The following MDFIC2 variants were observed in gnomAD, a reference collection of about 807,000 sequenced individuals.
MDFIC2 encodes the protein MyoD family inhibitor domain containing 2, also known as myoD family inhibitor domain-containing protein 2.
chr3:70,279,348 C>A (rs1211570384), intron 2 of MDFIC2, among the ~76,000 whole-genome samples: 1 of 151,992 alleles, frequency 6.6e-6, no homozygotes, highest in Non-Finnish European at 1.5e-5. Context: ...GATTTGAAAC[C>A]AAATCCATTC....
intron 2 of MDFIC2, among the ~76,000 whole-genome samples, chr3:70,243,340 G>T (rs1040888207): frequency 1.3e-5 from 2 of 151,992 alleles, no homozygotes; most frequent in Non-Finnish European, 2.9e-5. Flanking sequence ...TTAAAATTGG[G>T]GTTGTATTTG....
intron 2 of MDFIC2, among the ~76,000 whole-genome samples, chr3:70,311,182 T>A (rs1996815): frequency 0.36 from 54,415 of 152,006 alleles, 10,084 homozygotes; most frequent in East Asian, 0.63. Context: ...TACAATATAA[T>A]AGATTCATTA....
chr3:70,252,756 G>A (rs1701781373), intron 2 of MDFIC2, among the ~76,000 whole-genome samples: 1 of 151,990 alleles, frequency 6.6e-6, no homozygotes, highest in African/African-American at 2.4e-5. Flanking sequence ...ATACATCAGT[G>A]AACAAAACAA....
chr3:70,274,090 T>TGTGTGTGTGTGTGC (rs770689062), intron 2 of MDFIC2, among the ~76,000 whole-genome samples: 6 of 144,972 alleles, frequency 4.1e-5, no homozygotes, highest in Non-Finnish European at 8.9e-5. Context: ...TGTGTGTGTG[T>TGTGTGTGTGTGTGC]GCGCGCGCGC....
At chr3:70,310,474 T>C (rs903295483) in intron 2 of MDFIC2, among the ~76,000 whole-genome samples, 1 of 152,056 alleles carries the variant, frequency 6.6e-6, no homozygotes, top group Admixed American at 6.6e-5. Flanking sequence ...CAAGCGATTA[T>C]CCTGCCTCAG....
chr3:70,220,238 A>G (rs1451585249), intron 2 of MDFIC2, among the ~76,000 whole-genome samples: 1 of 152,060 alleles, frequency 6.6e-6, no homozygotes, highest in Non-Finnish European at 1.5e-5. Flanking sequence ...CAATAGTCTC[A>G]TGTATTATCA....
At chr3:70,198,531 A>G (rs1391334438) in intron 3 of MDFIC2, among the ~76,000 whole-genome samples, 1 of 152,228 alleles carries the variant, frequency 6.6e-6, no homozygotes, top group Admixed American at 6.5e-5. Flanking sequence ...AAAACACTAT[A>G]TAAAGTTATA....
intron 2 of MDFIC2, among the ~76,000 whole-genome samples, chr3:70,295,701 TAAAC>T (rs1034025110): frequency 5.0e-4 from 76 of 152,258 alleles, no homozygotes; most frequent in African/African-American, 1.8e-3. Flanking sequence ...CAAAAATAAA[TAAAC>T]AAATAAATAT....
chr3:70,251,316 A>G, intron 2 of MDFIC2, among the ~76,000 whole-genome samples: 1 of 152,298 alleles, frequency 6.6e-6, no homozygotes, highest in South Asian at 2.1e-4. Context: ...GATTTACTGC[A>G]GTCTTCAGTC....
intron 3 of MDFIC2, chr3:70,204,901 T>C (rs1043552929): frequency 1.3e-5 from 2 of 152,102 alleles, no homozygotes; most frequent in Admixed American, 6.6e-5. Context: ...ATTCACATGA[T>C]GAGTAGCATC....
At chr3:70,261,675 G>T (rs752667038) in intron 2 of MDFIC2, among the ~76,000 whole-genome samples, 11 of 152,050 alleles carry the variant, frequency 7.2e-5, no homozygotes, top group Non-Finnish European at 1.6e-4. Context: ...GCCTTATTTT[G>T]TTGAAAACAG....
intron 2 of MDFIC2, among the ~76,000 whole-genome samples, chr3:70,235,807 A>G (rs749790791): frequency 2.6e-5 from 4 of 152,200 alleles, no homozygotes; most frequent in African/African-American, 7.2e-5. Context: ...ATCTATAGAA[A>G]AGAAATAATT....
At chr3:70,256,340 G>A (rs1432085610) in intron 2 of MDFIC2, among the ~76,000 whole-genome samples, 2 of 152,128 alleles carry the variant, frequency 1.3e-5, no homozygotes, top group East Asian at 3.9e-4. Flanking sequence ...GGCCTTTTTA[G>A]CAATCTTCCC....
At chr3:70,252,606 C>T (rs11924710) in intron 2 of MDFIC2, among the ~76,000 whole-genome samples, 4,812 of 152,168 alleles carry the variant, frequency 0.032, 242 homozygotes, top group African/African-American at 0.11. Context: ...CCATGGTAAA[C>T]CGGAGAAGAT....
intron 2 of MDFIC2, among the ~76,000 whole-genome samples, chr3:70,222,086 T>C (rs1166948726): frequency 1.3e-5 from 2 of 152,130 alleles, no homozygotes; most frequent in Non-Finnish European, 2.9e-5. Flanking sequence ...ACCCACCCTT[T>C]ATCCTTTAGG....
intron 3 of MDFIC2, among the ~76,000 whole-genome samples, chr3:70,199,943 T>A (rs1042512001): frequency 6.6e-6 from 1 of 152,208 alleles, no homozygotes; most frequent in Admixed American, 6.5e-5. Context: ...TGGATCTCTC[T>A]CTCCCCAGTC....
chr3:70,237,278 G>T (rs1412124316), intron 2 of MDFIC2, among the ~76,000 whole-genome samples: 4 of 152,160 alleles, frequency 2.6e-5, no homozygotes, highest in African/African-American at 9.7e-5. Context: ...ATATTCTCCA[G>T]TGCGGATACA....
chr3:70,290,925 C>A (rs189654558), intron 2 of MDFIC2, among the ~76,000 whole-genome samples: 3 of 152,146 alleles, frequency 2.0e-5, no homozygotes, highest in Non-Finnish European at 4.4e-5. Flanking sequence ...GGATGGCGCA[C>A]GGTGCGCGCA....
At chr3:70,308,770 C>T (rs549793034) in intron 2 of MDFIC2, among the ~76,000 whole-genome samples, 28 of 152,112 alleles carry the variant, frequency 1.8e-4, no homozygotes, top group Admixed American at 5.9e-4. Context: ...TGTTTGAAGT[C>T]GAGAAGTTAG....
Sources: gnomAD v4.1 joint callset for allele counts (sites outside exome capture counted in the v4.1 genomes callset) on GRCh38, gnomAD v4.1.1 for gene constraint, MANE v1.5 for transcripts, NCBI Gene and HGNC (gene_info 2026-07-23, HGNC 2026-07-21) for gene names.